GNG12: variants seen among roughly 807,000 people sequenced by gnomAD.
GNG12 encodes G protein subunit gamma 12.
For synonymous variants in GNG12, 28 were observed against 29.7 expected (o/e 0.94, Z 0.19); for missense variants, 69 against 83.8 (o/e 0.82, Z 0.69).
At chr1:67,832,396 T>C (rs1028761064) in intron 1 of GNG12, 1 of 152,052 alleles carries the variant, frequency 6.6e-6, no homozygotes, top group African/African-American at 2.4e-5. Context: ...AAAGTTTCAC[T>C]CCACTGCGGC....
chr1:67,741,889 A>G (rs759559161), intron 2 of GNG12, among the ~76,000 whole-genome samples: 11 of 152,154 alleles, frequency 7.2e-5, no homozygotes, highest in Non-Finnish European at 1.6e-4. Context: ...GCACATTCCC[A>G]TGTGGCTGCT....
chr1:67,746,721 C>T (rs1270949735), intron 2 of GNG12, among the ~76,000 whole-genome samples: 4 of 152,156 alleles, frequency 2.6e-5, no homozygotes, highest in Admixed American at 2.0e-4. Flanking sequence ...CAAAAAATTA[C>T]GCTTAAGACC....
At chr1:67,759,947 T>G (rs1180917629) in intron 2 of GNG12, among the ~76,000 whole-genome samples, 1 of 152,224 alleles carries the variant, frequency 6.6e-6, no homozygotes, top group East Asian at 1.9e-4. Flanking sequence ...CCCTGTCCAC[T>G]CTACTGTTTA....
chr1:67,728,022 T>A (rs1646396884), intron 2 of GNG12, among the ~76,000 whole-genome samples: 1 of 152,212 alleles, frequency 6.6e-6, no homozygotes, highest in Non-Finnish European at 1.5e-5. Context: ...GAAAATATTG[T>A]TTTTCCCCTT....
rs1433697049 is a variant in GNG12, at chr1:67,709,854, ATATATATATAGTTATATATATATT to A, written c.-26-2166_-26-2143del. ...TATATATATATTTGTATATATATTT[ATATATATATAGTTATATATATATT>A]TATATATATAGTTATATATATATTT... On this transcript the variant is annotated intron_variant, in intron 2 of 3. Coordinates refer to ENST00000370982, the MANE Select transcript of GNG12 (RefSeq NM_018841.6). Among the ~76,000 whole-genome samples, 11 of 121,562 alleles carry A rather than the reference ATATATATATAGTTATATATATATT, an allele frequency of 9.0e-5. No individual in the cohort carries two copies. In the South Asian group the frequency reaches 9.1e-4, roughly 10 times the overall value. The allele number at this position is 121,562 out of a possible 152,430, so 79.7% of individuals were successfully genotyped here.
chr1:67,769,266 T>C (rs1292012085), intron 2 of GNG12, among the ~76,000 whole-genome samples: 1 of 152,086 alleles, frequency 6.6e-6, no homozygotes, highest in Admixed American at 6.5e-5. Flanking sequence ...AGTGACCTAA[T>C]TGTTACAGGA....
At chr1:67,766,619 T>G (rs1179763881) in intron 2 of GNG12, among the ~76,000 whole-genome samples, 1 of 151,804 alleles carries the variant, frequency 6.6e-6, no homozygotes, top group Non-Finnish European at 1.5e-5. Flanking sequence ...TTTTTTTTTT[T>G]TTCCAGGAGA....
chr1:67,754,734 T>C (rs1472327412), intron 2 of GNG12, among the ~76,000 whole-genome samples: 1 of 152,204 alleles, frequency 6.6e-6, no homozygotes, highest in Non-Finnish European at 1.5e-5. Context: ...GTCTCTCCCA[T>C]CAGGATACCG....
At chr1:67,725,201 C>G (rs1019555513) in intron 2 of GNG12, among the ~76,000 whole-genome samples, 2 of 152,106 alleles carry the variant, frequency 1.3e-5, no homozygotes, top group Admixed American at 1.3e-4. Context: ...CTTGGAGGTA[C>G]GCATGAAAAA....
At chr1:67,706,598 T>C (rs897803604) in intron 3 of GNG12, among the ~76,000 whole-genome samples, 3 of 151,876 alleles carry the variant, frequency 2.0e-5, no homozygotes, top group African/African-American at 7.3e-5. Context: ...CAGGTGACTA[T>C]CTCCAGGCCC....
chr1:67,705,174 T>C lies in GNG12; in HGVS notation c.*277A>G. Reference sequence around the variant, plus strand: ...ATTTCTAAAGTATATAATTATGTTTTTAAAAAGGCCCAGATCAACTTTCCT... The same window carrying C: ...ATTTCTAAAGTATATAATTATGTTTCTAAAAAGGCCCAGATCAACTTTCCT... On this transcript the variant is annotated 3_prime_UTR_variant, in exon 4 of 4. Coordinates refer to ENST00000370982, the MANE Select transcript of GNG12 (RefSeq NM_018841.6). The C allele has an allele frequency of 4.1e-6, 1 of 243,962 alleles. No homozygotes were observed. The highest frequency in any genetic ancestry group is 7.6e-6 in the Non-Finnish European group (1 of 132,342). 15.1% of individuals were successfully genotyped at this position (243,962 alleles called of 1,614,324 possible).
intron 2 of GNG12, among the ~76,000 whole-genome samples, chr1:67,724,682 G>A (rs931562168): frequency 6.6e-6 from 1 of 152,120 alleles, no homozygotes; most frequent in African/African-American, 2.4e-5. Flanking sequence ...CAGCCACCGC[G>A]CCTGGCCCAA....
At chr1:67,816,669 T>C (rs1162628678) in intron 1 of GNG12, among the ~76,000 whole-genome samples, 2 of 151,510 alleles carry the variant, frequency 1.3e-5, no homozygotes, top group Non-Finnish European at 2.9e-5. Context: ...TGGGGAAGAG[T>C]ATAGATGGGG....
chr1:67,756,263 A>C (rs1646567669), intron 2 of GNG12, among the ~76,000 whole-genome samples: 1 of 152,190 alleles, frequency 6.6e-6, no homozygotes, highest in African/African-American at 2.4e-5. Context: ...ACAGGAAGGG[A>C]CCAAAAAAAT....
intron 2 of GNG12, among the ~76,000 whole-genome samples, chr1:67,738,216 G>A (rs1646463296): frequency 6.6e-6 from 1 of 152,090 alleles, no homozygotes; most frequent in Non-Finnish European, 1.5e-5. Context: ...GCACCACTGT[G>A]CCCAGCCCTA....
At chr1:67,730,540 G>A (rs986236850) in intron 2 of GNG12, among the ~76,000 whole-genome samples, 11 of 151,918 alleles carry the variant, frequency 7.2e-5, no homozygotes. Flanking sequence ...CCAAAAAAAG[G>A]AGTACATACC....
At chr1:67,739,537 A>G (rs1284357318) in intron 2 of GNG12, among the ~76,000 whole-genome samples, 1 of 152,230 alleles carries the variant, frequency 6.6e-6, no homozygotes, top group Non-Finnish European at 1.5e-5. Flanking sequence ...AAAATCACAG[A>G]ATAGGGGCTC....
At chr1:67,787,033 A>G (rs1221412989) in intron 1 of GNG12, among the ~76,000 whole-genome samples, 7 of 62,260 alleles carry the variant, frequency 1.1e-4, no homozygotes, top group Non-Finnish European at 1.6e-4. Context: ...ATGTATGTGT[A>G]TAAGTGTGTG....
At chr1:67,810,826 T>A (rs2249119) in intron 1 of GNG12, among the ~76,000 whole-genome samples, 42,268 of 152,154 alleles carry the variant, frequency 0.28, 6,161 homozygotes, top group Admixed American at 0.35. Flanking sequence ...GATGAGTTAC[T>A]GAAACTCACT....
Sources: gnomAD v4.1 joint callset for allele counts (sites outside exome capture counted in the v4.1 genomes callset) on GRCh38, gnomAD v4.1.1 for gene constraint, MANE v1.5 for transcripts, NCBI Gene and HGNC (gene_info 2026-07-23, HGNC 2026-07-21) for gene names.